The following SCOC variants were observed in gnomAD, a reference collection of about 807,000 sequenced individuals.
SCOC encodes the protein short coiled-coil protein.
Under a neutral mutation model 9.9 loss-of-function variants are expected in SCOC, and 7 were observed. The ratio of observed to expected loss-of-function variants is 0.71; its 90% CI spans 0.40 to 1.33. SCOC has a LOEUF of 1.33. SCOC is among the 40% of genes most tolerant of loss of function. The probability of loss-of-function intolerance (pLI) is 0.01; values close to 1 mark genes in which losing one functional copy is unlikely to be tolerated. For missense variants in SCOC, 66 were observed against 89.7 expected, an observed-to-expected ratio of 0.74 and a Z score of 1.07; for synonymous variants, 19 against 28.2, an observed-to-expected ratio of 0.67 and a Z score of 1.03.
intron 1 of SCOC, among the ~76,000 whole-genome samples, chr4:140,334,928 C>G (rs1433009007): frequency 6.6e-6 from 1 of 151,990 alleles, no homozygotes; most frequent in African/African-American, 2.4e-5. Flanking sequence ...ATGACAAAAC[C>G]CTGTCTCAAA....
At chr4:140,332,275 CCTT>C (rs138985906) in intron 1 of SCOC, among the ~76,000 whole-genome samples, 4,724 of 151,432 alleles carry the variant, frequency 0.031, 255 homozygotes, top group African/African-American at 0.11. Context: ...TTAAGTTTCT[CCTT>C]CTATGTGTTT....
intron 1 of SCOC, among the ~76,000 whole-genome samples, chr4:140,336,845 G>A (rs1732971463): frequency 6.6e-6 from 1 of 152,124 alleles, no homozygotes; most frequent in East Asian, 1.9e-4. Context: ...ATTCCCACCA[G>A]CAATATACAA....
At chr4:140,280,223 C>A (rs150292178) in intron 1 of SCOC, among the ~76,000 whole-genome samples, 2,343 of 152,184 alleles carry the variant, frequency 0.015, 53 homozygotes, top group African/African-American at 0.043. Flanking sequence ...TTCAAGTGAT[C>A]CCCCCACCTC....
chr4:140,344,793 G>A (rs1726655726), intron 2 of SCOC, among the ~76,000 whole-genome samples: 1 of 152,202 alleles, frequency 6.6e-6, no homozygotes, highest in Admixed American at 6.5e-5. Context: ...GGAAACCCAT[G>A]TTTCTTAGCT....
intron 1 of SCOC, among the ~76,000 whole-genome samples, chr4:140,324,627 T>C (rs1256806032): frequency 1.3e-5 from 2 of 152,132 alleles, no homozygotes; most frequent in Non-Finnish European, 2.9e-5. Context: ...ATAAGTCTAT[T>C]AAAACATGTG....
Position 140,295,366 on chromosome 4 carries a change from C to T in SCOC, c.-19+37956C>T, listed in dbSNP as rs115058108. ...ATCTCAGAAGGCCCATCAGCACACC[C>T]CACCACTCCATGTGAATGTGACCTC... On this transcript the variant is annotated intron_variant, in intron 1 of 4. Coordinates refer to the SCOC transcript ENST00000394205. Among the ~76,000 whole-genome samples, 366 of 152,272 alleles carry T rather than the reference C, an allele frequency of 2.4e-3. 2 individuals are homozygous for T. Among genetic ancestry groups the T allele is most frequent in the African/African-American group, 8.3e-3 (343 of 41,554 alleles).
chr4:140,355,426 T>G (rs1175346219), intron 2 of SCOC, among the ~76,000 whole-genome samples: 2 of 152,034 alleles, frequency 1.3e-5, no homozygotes, highest in Non-Finnish European at 2.9e-5. Context: ...TCCCTGTTTT[T>G]CAGATTGAAA....
In SCOC at chr4:140,282,103, T is replaced by C. The variant is rs74437921; in HGVS notation, c.-19+24693T>C. On this transcript the variant is annotated intron_variant, in intron 1 of 4. Transcript: ENST00000394205. The stretch of plus-strand genomic sequence containing the variant: ...TGATTCTGTAAATCCTTGAGTAATA[T>C]TGAAGCTCTGTAATAACACCAAGCT... 6.2e-4 allele frequency among the ~76,000 whole-genome samples: 95 copies of C among 152,328 alleles called. 1 individual carries two copies. In the East Asian group the frequency reaches 0.01, roughly 17 times the overall value.
chr4:140,284,587 C>G (rs1731176260), intron 1 of SCOC: 1 of 152,150 alleles, frequency 6.6e-6, no homozygotes, highest in African/African-American at 2.4e-5. Context: ...TGTTCTGATG[C>G]TAAGCAGGGG....
chr4:140,366,580 T>G, intron 2 of SCOC: 2 of 1,604,894 alleles, frequency 1.2e-6, no homozygotes, highest in Non-Finnish European at 1.7e-6. Flanking sequence ...GGCTTCAATC[T>G]TCTTGGCCCA....
rs1253906495 is a variant in SCOC at position 140,383,218 on chromosome 4, A to G, written c.*2114A>G. The G allele has an allele frequency of 6.6e-6, 1 of 152,202 alleles. No individual in the cohort carries two copies. Among genetic ancestry groups the G allele is most frequent in the African/African-American group, 2.4e-5 (1 of 41,454 alleles). The allele number at this position is 152,202 out of a possible 1,614,324, so 9.4% of individuals were successfully genotyped here. On this transcript the variant is annotated 3_prime_UTR_variant, in exon 4 of 4. Transcript: ENST00000608372. ...TTGGTGGCTGCTAGCAGCCTCAGCC[A>G]CAGCTCTTCTTGTGCTACCAAGTAT...
At chr4:140,329,143 C>T (rs1732736969) in intron 1 of SCOC, among the ~76,000 whole-genome samples, 1 of 152,062 alleles carries the variant, frequency 6.6e-6, no homozygotes, top group Admixed American at 6.6e-5. Flanking sequence ...AGAAATAAAC[C>T]CAAATACTTA....
At chr4:140,307,197 C>T (rs972859149) in intron 1 of SCOC, among the ~76,000 whole-genome samples, 1 of 152,218 alleles carries the variant, frequency 6.6e-6, no homozygotes, top group Admixed American at 6.5e-5. Context: ...GTTGCTTATA[C>T]ATTTCTGTTG....
At chr4:140,373,189 C>T, upstream of SCOC, 1 of 765,236 alleles carries the variant, frequency 1.3e-6, no homozygotes, top group South Asian at 3.6e-5. Flanking sequence ...GACGGTGTCG[C>T]GTTGACTTTC....
rs889992701 is a variant in SCOC, at chr4:140,320,811, C to T, written c.-18-22810C>T. Among the ~76,000 whole-genome samples the T allele has an allele frequency of 1.4e-4, 22 of 152,130 alleles. No homozygotes were observed. The East Asian group carries it at 3.1e-3, about 21-fold the overall frequency. The stretch of plus-strand genomic sequence containing the variant: ...TGACTGCAGCTAGGAGAGGAGAATA[C>T]GAGGGAAAAGAAGCTTCACTTTGGG... On this transcript the variant is annotated intron_variant, in intron 1 of 4. Coordinates refer to the SCOC transcript ENST00000394205.
intron 1 of SCOC, among the ~76,000 whole-genome samples, chr4:140,285,673 T>C (rs527761511): frequency 7.2e-5 from 11 of 152,236 alleles, no homozygotes; most frequent in Non-Finnish European, 1.5e-4. Flanking sequence ...AGCATTTCTC[T>C]TGTAATACAG....
chr4:140,303,176 C>T (rs570378627), intron 1 of SCOC, among the ~76,000 whole-genome samples: 3 of 152,112 alleles, frequency 2.0e-5, no homozygotes, highest in African/African-American at 7.2e-5. Flanking sequence ...ATGCAAAGAG[C>T]CTTTATCTTG....
chr4:140,348,099 G>A (rs1726817551), intron 2 of SCOC, among the ~76,000 whole-genome samples: 1 of 152,026 alleles, frequency 6.6e-6, no homozygotes, highest in South Asian at 2.1e-4. Context: ...ATATGTAGTG[G>A]AATAGCTAAA....
chr4:140,317,612 G>A (rs1732363113), intron 1 of SCOC, among the ~76,000 whole-genome samples: 1 of 142,348 alleles, frequency 7.0e-6, no homozygotes, highest in Non-Finnish European at 1.5e-5. Flanking sequence ...GCTCCCAGCT[G>A]AATAAAGCCC....
Sources: allele counts gnomAD v4.1 joint callset (sites outside exome capture counted in the v4.1 genomes callset), GRCh38; gene constraint gnomAD v4.1.1; transcripts MANE v1.5; gene names NCBI Gene and HGNC (gene_info 2026-07-23, HGNC 2026-07-21).